The following SNX29 variants were observed in gnomAD, a reference collection of about 807,000 sequenced individuals.
SNX29 encodes the protein sorting nexin-29.
A neutral mutation model predicts 102.1 loss-of-function variants in SNX29; 78 were observed. The observed-to-expected ratio is 0.76, with a 90% confidence interval of 0.64 to 0.92. The LOEUF is 0.92. Among genes scored for constraint, SNX29 ranks in the 40% least tolerant of loss-of-function variants. The pLI is 0.00. For missense variants in SNX29, 1,280 were observed against 1,061.7 expected (o/e 1.21, Z -2.86); for synonymous variants, 580 against 414.5 (o/e 1.40, Z -4.85).
At chr16:12,003,103 C>A in intron 3 of SNX29, 60 bp downstream of exon 3, 1 of 1,600,114 alleles carries the variant, frequency 6.2e-7, no homozygotes, top group Non-Finnish European at 8.6e-7. Flanking sequence ...CAGAAGGTGG[C>A]CGGCTTCTAA....
At position 12,571,201 on chromosome 16, in the gene SNX29, A is replaced by T. The variant is rs1025798709; in HGVS notation, c.*2572A>T. The T allele has an allele frequency of 4.3e-6, 1 of 232,348 alleles. No individual in the cohort carries two copies. 14.4% of individuals were successfully genotyped at this position (232,348 alleles called of 1,614,324 possible). On this transcript the variant is annotated 3_prime_UTR_variant, in exon 21 of 21. Transcript: ENST00000566228. ...TGTGGTGGGATGAACTTCAGGCAACAAACAACTGGCAGGGTTCCCAGTTCC... is the reference window on the plus strand; with the variant it reads ...TGTGGTGGGATGAACTTCAGGCAACTAACAACTGGCAGGGTTCCCAGTTCC...
chr16:12,552,963 G>T (rs1453378901), intron 20 of SNX29, among the ~76,000 whole-genome samples: 1 of 152,242 alleles, frequency 6.6e-6, no homozygotes, highest in Non-Finnish European at 1.5e-5. Context: ...AACATGGATT[G>T]TATTGAGTGC....
chr16:12,356,399 C>G (rs916138233), intron 16 of SNX29, 120 bp downstream of exon 16: 5 of 768,206 alleles, frequency 6.5e-6, no homozygotes, highest in Non-Finnish European at 6.3e-6. Context: ...TGCCCACATT[C>G]ACCTCTGCCA....
intron 13 of SNX29, among the ~76,000 whole-genome samples, chr16:12,178,206 C>CTCG (rs1315121747): frequency 6.6e-6 from 1 of 152,128 alleles, no homozygotes; most frequent in Non-Finnish European, 1.5e-5. Flanking sequence ...GGATGAGCAT[C>CTCG]TCGTGGTTAC....
At chr16:12,492,397 T>G (rs1340037153) in intron 19 of SNX29, among the ~76,000 whole-genome samples, 4 of 152,214 alleles carry the variant, frequency 2.6e-5, no homozygotes, top group African/African-American at 9.7e-5. Flanking sequence ...TTCTTGTAAA[T>G]TTGTTTGAGT....
intron 14 of SNX29, among the ~76,000 whole-genome samples, chr16:12,271,269 G>C (rs527602224): frequency 3.9e-5 from 6 of 152,352 alleles, no homozygotes; most frequent in South Asian, 2.1e-4. Flanking sequence ...TGGAGGCTGC[G>C]GTTGTCCCAA....
chr16:12,183,517 T>C (rs951803425), intron 13 of SNX29, among the ~76,000 whole-genome samples: 2 of 152,218 alleles, frequency 1.3e-5, no homozygotes, highest in Non-Finnish European at 1.5e-5. Flanking sequence ...TATGTAAATA[T>C]ACTTTTCCTA....
chr16:12,268,582 C>A (rs894049236), intron 14 of SNX29, among the ~76,000 whole-genome samples: 1 of 152,172 alleles, frequency 6.6e-6, no homozygotes, highest in African/African-American at 2.4e-5. Flanking sequence ...CTGGAAGGGT[C>A]CTTTCTCCTT....
intron 13 of SNX29, among the ~76,000 whole-genome samples, chr16:12,143,467 C>T (rs1326445630): frequency 1.3e-5 from 2 of 152,208 alleles, no homozygotes; most frequent in East Asian, 3.9e-4. Flanking sequence ...TAATTTAAGG[C>T]GGTGCTCGTC....
chr16:12,442,485 C>G (rs1042851618), intron 18 of SNX29, among the ~76,000 whole-genome samples: 4 of 152,146 alleles, frequency 2.6e-5, no homozygotes, highest in African/African-American at 9.7e-5. Context: ...TATTTTATGT[C>G]TTTGTAGGCC....
At chr16:12,319,742 A>T (rs922640059) in intron 15 of SNX29, among the ~76,000 whole-genome samples, 12 of 151,990 alleles carry the variant, frequency 7.9e-5, no homozygotes, top group African/African-American at 2.9e-4. Context: ...CTGTGTGCCC[A>T]GAGCAGCTCA....
chr16:12,222,397 G>A (rs898347308), intron 14 of SNX29, among the ~76,000 whole-genome samples: 3 of 152,182 alleles, frequency 2.0e-5, no homozygotes, highest in African/African-American at 7.2e-5. Context: ...CAGTGGACAT[G>A]CATTGTTTTT....
rs368304076 is a variant in SNX29 at position 12,260,326 on chromosome 16, A to G, written c.1679-17607A>G. ...GATACATTCTGGATTTCCAACATGA[A>G]TTGTGTGAGATTTTTGTTGTTCTTT... On this transcript the variant is annotated intron_variant, in intron 14 of 20. Coordinates refer to ENST00000566228, the MANE Select transcript of SNX29 (RefSeq NM_032167.5). 1.4e-4 allele frequency among the ~76,000 whole-genome samples: 21 copies of G among 152,190 alleles called. No individual in the cohort carries two copies. The East Asian group carries it at 2.7e-3, about 20-fold the overall frequency.
intron 11 of SNX29, chr16:12,090,213 C>T (rs1310188733): frequency 6.6e-6 from 1 of 152,572 alleles, no homozygotes; most frequent in Non-Finnish European, 1.5e-5. Context: ...TCACCGGCGT[C>T]TCAGGGGTGT....
intron 18 of SNX29, among the ~76,000 whole-genome samples, chr16:12,454,054 T>C (rs1359657090): frequency 1.3e-5 from 2 of 152,184 alleles, no homozygotes; most frequent in Non-Finnish European, 2.9e-5. Flanking sequence ...CAGCTACATA[T>C]GGCCATGTAA....
At chr16:12,072,281 T>C (rs2051336415) in intron 10 of SNX29, among the ~76,000 whole-genome samples, 1 of 152,214 alleles carries the variant, frequency 6.6e-6, no homozygotes, top group Middle Eastern at 3.2e-3. Flanking sequence ...TTTTGCCCAT[T>C]CAGTATGATA....
At chr16:12,036,039 C>T (rs769567767) in intron 4 of SNX29, among the ~76,000 whole-genome samples, 7 of 152,166 alleles carry the variant, frequency 4.6e-5, no homozygotes, top group Non-Finnish European at 7.4e-5. Context: ...AGCCCAGCTC[C>T]GTGGGGTTGG....
At chr16:12,271,252 T>G (rs757155262) in intron 14 of SNX29, among the ~76,000 whole-genome samples, 1 of 152,228 alleles carries the variant, frequency 6.6e-6, no homozygotes, top group African/African-American at 2.4e-5. Flanking sequence ...TCTGTCATGG[T>G]GTCAGTTGGA....
At chr16:12,567,461 C>G (rs778696352) in intron 20 of SNX29, among the ~76,000 whole-genome samples, 7 of 152,164 alleles carry the variant, frequency 4.6e-5, no homozygotes, top group Admixed American at 3.3e-4. Flanking sequence ...TTATGTGTCC[C>G]CTTATCTAGC....
Sources: allele counts gnomAD v4.1 joint callset (sites outside exome capture counted in the v4.1 genomes callset), GRCh38; gene constraint gnomAD v4.1.1; transcripts MANE v1.5; gene names NCBI Gene and HGNC (gene_info 2026-07-23, HGNC 2026-07-21).